The following ATG16L2 variants were observed in gnomAD, a reference collection of about 807,000 sequenced individuals.
The protein encoded by ATG16L2 is autophagy related 16 like 2, also known as protein Atg16l2.
Under a neutral mutation model 84.7 loss-of-function variants are expected in ATG16L2, and 77 were observed. That is an observed-to-expected ratio of 0.91 (90% confidence interval 0.76 to 1.10). ATG16L2 has a LOEUF of 1.10. Among genes scored for constraint, ATG16L2 ranks in the 50% least tolerant of loss-of-function variants. The probability of loss-of-function intolerance (pLI) is 0.00; values close to 1 mark genes in which losing one functional copy is unlikely to be tolerated. For synonymous variants in ATG16L2, 361 were observed against 342.8 expected, an observed-to-expected ratio of 1.05 and a Z score of -0.59; for missense variants, 782 against 817.6, an observed-to-expected ratio of 0.96 and a Z score of 0.53.
rs930221561 is a variant in ATG16L2, at chr11:72,824,281, T to C, written c.887+159T>C. ...GGAGACAGGAGCCAGGTGAATGGCC[T>C]CAGCCCCGGCCCCGGTTCAGCTGTC... On this transcript the variant is annotated intron_variant, in intron 8 of 17. Coordinates refer to ENST00000321297, the MANE Select transcript of ATG16L2 (RefSeq NM_033388.2). The C allele has an allele frequency of 7.3e-6, 6 of 820,524 alleles. No individual in the cohort carries two copies. The African/African-American group carries it at 1.0e-4, about 14-fold the overall frequency. The allele number at this position is 820,524 out of a possible 1,614,324, so 50.8% of individuals were successfully genotyped here.
exon 6 of ATG16L2, chr11:72,843,612 G>T (rs755027086): frequency 3.5e-6 from 3 of 861,976 alleles, no homozygotes; most frequent in Admixed American, 2.1e-5. Flanking sequence ...CAAAAACTGG[G>T]GATCAAAATA....
intron 3 of ATG16L2, among the ~76,000 whole-genome samples, chr11:72,820,819 C>T (rs1859949347): frequency 6.6e-6 from 1 of 152,092 alleles, no homozygotes; most frequent in Non-Finnish European, 1.5e-5. Context: ...GGGTCTGTCT[C>T]TCCCACCGAC....
At chr11:72,815,740 C>T (rs1245801526) in intron 1 of ATG16L2, 2 of 152,470 alleles carry the variant, frequency 1.3e-5, no homozygotes, top group East Asian at 3.9e-4. Context: ...CCCAGGGCCT[C>T]AGTCAAGGTG....
At chr11:72,814,830 G>T (rs983642524) in intron 1 of ATG16L2, among the ~76,000 whole-genome samples, 1 of 152,192 alleles carries the variant, frequency 6.6e-6, no homozygotes, top group Admixed American at 6.5e-5. Context: ...CTTCCGAGAC[G>T]CAAGTGCGTC....
At chr11:72,842,567 G>C in intron 5 of ATG16L2, 2 of 1,606,992 alleles carry the variant, frequency 1.2e-6, no homozygotes, top group South Asian at 2.2e-5. Flanking sequence ...CAGACCCTTT[G>C]GGAGCAATTT....
intron 1 of ATG16L2, 152 bp from the exon 2 acceptor site, chr11:72,816,576 C>A (rs1361625242): frequency 1.6e-6 from 1 of 638,810 alleles, no homozygotes; most frequent in Admixed American, 2.6e-5. Context: ...ACAGATGCCC[C>A]TCAGGCACAG....
rs557560712 is a variant in ATG16L2 at position 72,834,772 on chromosome 11, C to T, written c.*21+5996C>T. On this transcript the variant is annotated intron_variant, in intron 5 of 5. Coordinates refer to the ATG16L2 transcript ENST00000534905. The stretch of plus-strand genomic sequence containing the variant: ...TAATTTTTGTATTTTTAGTAAGAGA[C>T]GGGGTTTCCATTATGTTGGTCAGGC... 7.2e-5 allele frequency among the ~76,000 whole-genome samples: 11 copies of T among 152,238 alleles called. No homozygotes were observed. In the East Asian group the frequency reaches 9.7e-4, roughly 13 times the overall value.
chr11:72,817,856 G>A lies in ATG16L2; in HGVS notation c.318+1G>A. 6.2e-7 allele frequency: 1 copy of A among 1,608,496 alleles called. No individual in the cohort carries two copies. Among genetic ancestry groups the A allele is most frequent in the Non-Finnish European group, 8.5e-7 (1 of 1,179,624 alleles). The stretch of plus-strand genomic sequence containing the variant: ...GGGGCTCCGGCTGGTCTGTGGTGAG[G>A]TAAGTTGGGAAGGGGTCTGAAAATG... On this transcript the variant is annotated splice_donor_variant, in intron 3 of 17. Transcript: ENST00000321297. LOFTEE classifies it high-confidence loss of function.
chr11:72,828,122 A>G (rs1477785918), intron 14 of ATG16L2, among the ~76,000 whole-genome samples: 3 of 152,018 alleles, frequency 2.0e-5, no homozygotes, highest in African/African-American at 7.2e-5. Flanking sequence ...TTAGTGACCC[A>G]AAGGTTTCAA....
Position 72,824,087 on chromosome 11 carries a change from G to A in ATG16L2, c.852G>A (p.Leu284=). ...FRSASATSLT[L]SHCVDVVKGL... ...CTGCCTCAGCCACCTCCCTGACGCT[G>A]TCCCACTGTGTGGATGTGGTGAAGG... Residue 284 remains leucine (L), a synonymous_variant, in exon 8 of 18, where the codon CTG becomes CTA. Transcript: ENST00000321297. The A allele has an allele frequency of 6.2e-7, 1 of 1,614,242 alleles. No individual in the cohort carries two copies. Among genetic ancestry groups the A allele is most frequent in the Non-Finnish European group, 8.5e-7 (1 of 1,180,030 alleles).
intron 8 of ATG16L2, 46 bp from the exon 9 acceptor site, chr11:72,824,685 GAGA>G: frequency 7.0e-7 from 1 of 1,426,958 alleles, no homozygotes; most frequent in Non-Finnish European, 9.9e-7. Flanking sequence ...GCTCCCACCT[GAGA>G]AGGACTTGCT....
intron 1 of ATG16L2, among the ~76,000 whole-genome samples, chr11:72,814,946 C>A (rs1859620351): frequency 6.6e-6 from 1 of 152,214 alleles, no homozygotes; most frequent in Admixed American, 6.5e-5. Context: ...TGAAAGAACG[C>A]GGGACTTGTC....
chr11:72,836,455 C>T (rs1387374714), intron 5 of ATG16L2, among the ~76,000 whole-genome samples: 3 of 152,140 alleles, frequency 2.0e-5, no homozygotes, highest in Non-Finnish European at 4.4e-5. Context: ...GCTATCTGCC[C>T]CTCCCTTCTA....
At chr11:72,815,325 C>A (rs1253553844) in intron 1 of ATG16L2, among the ~76,000 whole-genome samples, 1 of 152,224 alleles carries the variant, frequency 6.6e-6, no homozygotes, top group African/African-American at 2.4e-5. Flanking sequence ...CTAATCTTGG[C>A]CAAACCCCCA....
In ATG16L2 at chr11:72,825,361, C is replaced by T; in HGVS notation, c.1056C>T (p.Ala352=). ...VRFGPNSSLL[A]TGGADRLIHL... ...TTGGCCCCAACAGCAGCCTCCTGGC[C>T]ACTGGAGGGGCTGACCGCCTGATCC... The change falls in exon 10 of 18, where the codon GCC becomes GCT. Residue 352 remains alanine, a synonymous_variant. Transcript: ENST00000321297. 6.2e-7 allele frequency: 1 copy of T among 1,613,384 alleles called. No homozygotes were observed. Among genetic ancestry groups the T allele is most frequent in the South Asian group, 1.1e-5 (1 of 91,074 alleles).
intron 2 of ATG16L2, 74 bp from the exon 3 acceptor site, chr11:72,817,682 G>A: frequency 4.2e-6 from 6 of 1,438,138 alleles, no homozygotes; most frequent in Admixed American, 1.8e-5. Context: ...GGCTTTTCAT[G>A]TAGCATCACT....
At chr11:72,828,689 T>G in intron 15 of ATG16L2, 40 bp from the exon 16 acceptor site, 1 of 1,612,464 alleles carries the variant, frequency 6.2e-7, no homozygotes, top group South Asian at 1.1e-5. Flanking sequence ...CAGAGACTAG[T>G]GATGACCTCT....
intron 3 of ATG16L2, among the ~76,000 whole-genome samples, chr11:72,819,526 C>T (rs527607769): frequency 6.6e-6 from 1 of 152,316 alleles, no homozygotes; most frequent in African/African-American, 2.4e-5. Flanking sequence ...CCTCTGTCCC[C>T]ATGGTTAGTG....
chr11:72,825,196 G>A (rs1038659656), intron 9 of ATG16L2, 106 bp from the exon 10 acceptor site: 23 of 833,268 alleles, frequency 2.8e-5, no homozygotes, highest in Non-Finnish European at 3.3e-5. Flanking sequence ...GAGATACCAC[G>A]TCTGCAGCAG....
Sources: gnomAD v4.1 joint callset for allele counts (sites outside exome capture counted in the v4.1 genomes callset) on GRCh38, gnomAD v4.1.1 for gene constraint, MANE v1.5 for transcripts, NCBI Gene and HGNC (gene_info 2026-07-23, HGNC 2026-07-21) for gene names.